CNTNAP5: variants seen among roughly 807,000 people sequenced by gnomAD.
CNTNAP5 encodes contactin-associated protein-like 5.
CNTNAP5 carries 72 observed loss-of-function variants against 150.2 expected under a neutral mutation model. The observed-to-expected ratio is 0.48, with a 90% confidence interval of 0.40 to 0.58. The LOEUF (loss-of-function observed/expected upper bound fraction) is 0.58, where lower values mean the gene tolerates loss of function less well. CNTNAP5 is among the 20% of genes least tolerant of loss of function. The probability of loss-of-function intolerance (pLI) is 0.00; values close to 1 mark genes in which losing one functional copy is unlikely to be tolerated. For missense variants in CNTNAP5, 1,636 were observed against 1,626.2 expected (o/e 1.01, Z -0.10); for synonymous variants, 672 against 619.8 (o/e 1.08, Z -1.25).
chr2:124,895,938 C>T lies in CNTNAP5; in HGVS notation c.3437-6944C>T, dbSNP rs560587688. Among the ~76,000 whole-genome samples, 3 of 151,620 alleles carry T rather than the reference C, an allele frequency of 2.0e-5. No individual in the cohort carries two copies. In the South Asian group the frequency reaches 6.2e-4, roughly 31 times the overall value. On this transcript the variant is annotated intron_variant, in intron 21 of 23. Transcript: ENST00000682447. ...ATGCTTGGGGGAAGGCCAATGGGCA[C>T]TGTGAAGAGTCGGTGCATGGGCCAT...
chr2:124,048,582 G>A (rs998253603), intron 1 of CNTNAP5, among the ~76,000 whole-genome samples: 12 of 152,180 alleles, frequency 7.9e-5, no homozygotes, highest in African/African-American at 2.9e-4. Context: ...TTGCCAAATT[G>A]TTTTTGTGCC....
At chr2:124,405,051 G>A (rs956314657) in intron 3 of CNTNAP5, among the ~76,000 whole-genome samples, 2 of 151,938 alleles carry the variant, frequency 1.3e-5, no homozygotes, top group African/African-American at 4.8e-5. Flanking sequence ...GCGGGTGGGG[G>A]CGGCTGGGGA....
At chr2:124,178,004 G>A (rs1332195253) in intron 1 of CNTNAP5, among the ~76,000 whole-genome samples, 2 of 151,916 alleles carry the variant, frequency 1.3e-5, no homozygotes, top group African/African-American at 2.4e-5. Flanking sequence ...CCACAACCAC[G>A]CCTAGCTAAT....
intron 3 of CNTNAP5, among the ~76,000 whole-genome samples, chr2:124,370,262 T>C (rs541467077): frequency 6.6e-6 from 1 of 152,046 alleles, no homozygotes; most frequent in African/African-American, 2.4e-5. Flanking sequence ...GCAGTAAAGG[T>C]TGTGCTTTTT....
intron 3 of CNTNAP5, among the ~76,000 whole-genome samples, chr2:124,416,372 C>G (rs1159114279): frequency 1.8e-5 from 2 of 108,352 alleles, no homozygotes; most frequent in African/African-American, 7.8e-5. Context: ...TTTTTTTTTT[C>G]TGATGAGTAG....
rs554602395 is a variant in CNTNAP5 at position 124,454,913 on chromosome 2, C to A, written c.918+7976C>A. Among the ~76,000 whole-genome samples the A allele has an allele frequency of 2.0e-5, 3 of 152,110 alleles. No homozygotes were observed. In the East Asian group the frequency reaches 5.8e-4, roughly 30 times the overall value. Reference sequence around the variant, plus strand: ...CGAAAGCAGGGCTAAGAGGAAAGTTCATAGCCCTAAACAACTACATCAAAA... The same window carrying A: ...CGAAAGCAGGGCTAAGAGGAAAGTTAATAGCCCTAAACAACTACATCAAAA... On this transcript the variant is annotated intron_variant, in intron 6 of 23. Coordinates refer to ENST00000682447, the MANE Select transcript of CNTNAP5 (RefSeq NM_001367498.1).
intron 10 of CNTNAP5, among the ~76,000 whole-genome samples, chr2:124,543,950 A>C (rs1162170738): frequency 8.0e-6 from 1 of 124,986 alleles, no homozygotes; most frequent in Admixed American, 8.9e-5. Flanking sequence ...GATGCTAGCT[A>C]GTTTTTTTTT....
chr2:124,646,203 G>A (rs1678198772), intron 12 of CNTNAP5, among the ~76,000 whole-genome samples: 1 of 152,342 alleles, frequency 6.6e-6, no homozygotes, highest in African/African-American at 2.4e-5. Context: ...GGTTTGGAAA[G>A]ATGAAACGAC....
chr2:124,675,283 T>TC (rs1218566641), intron 13 of CNTNAP5, among the ~76,000 whole-genome samples: 73 of 152,140 alleles, frequency 4.8e-4, no homozygotes, highest in Non-Finnish European at 1.9e-4. Flanking sequence ...TAGCTCTCTT[T>TC]TATAGTTATG....
chr2:124,818,293 A>T (rs1008812677), intron 19 of CNTNAP5, among the ~76,000 whole-genome samples: 3 of 152,148 alleles, frequency 2.0e-5, no homozygotes, highest in Non-Finnish European at 2.9e-5. Context: ...GGCTCCCAGA[A>T]TTGCTTGCTT....
intron 1 of CNTNAP5, among the ~76,000 whole-genome samples, chr2:124,198,787 A>G (rs560833316): frequency 6.6e-6 from 1 of 151,572 alleles, no homozygotes; most frequent in East Asian, 1.9e-4. Flanking sequence ...CCCTTTTACA[A>G]TTAAACCTTT....
chr2:124,239,072 TC>T (rs1391844035), intron 2 of CNTNAP5, among the ~76,000 whole-genome samples: 2 of 152,216 alleles, frequency 1.3e-5, no homozygotes, highest in East Asian at 3.8e-4. Flanking sequence ...CAACAGCTAT[TC>T]CATTTTGGTT....
intron 19 of CNTNAP5, among the ~76,000 whole-genome samples, chr2:124,863,212 A>G (rs1214270792): frequency 1.3e-5 from 2 of 152,224 alleles, no homozygotes; most frequent in Non-Finnish European, 2.9e-5. Context: ...TAATTATCAC[A>G]CACTGGTTTA....
At chr2:124,340,271 C>T (rs961946734) in intron 3 of CNTNAP5, among the ~76,000 whole-genome samples, 1 of 152,190 alleles carries the variant, frequency 6.6e-6, no homozygotes, top group Non-Finnish European at 1.5e-5. Context: ...AAGATGGAGT[C>T]AACTCTATCA....
intron 13 of CNTNAP5, among the ~76,000 whole-genome samples, chr2:124,696,441 C>T (rs1679408701): frequency 6.6e-6 from 1 of 152,072 alleles, no homozygotes; most frequent in African/African-American, 2.4e-5. Flanking sequence ...CTTTTCTTAC[C>T]TTCTGCCTCT....
At chr2:124,336,371 G>T (rs1175293516) in intron 3 of CNTNAP5, among the ~76,000 whole-genome samples, 1 of 151,740 alleles carries the variant, frequency 6.6e-6, no homozygotes, top group African/African-American at 2.4e-5. Flanking sequence ...TAAAGCAGAG[G>T]TTTTCTTTTT....
At chr2:124,227,550 A>G (rs1686490843) in intron 2 of CNTNAP5, among the ~76,000 whole-genome samples, 1 of 152,102 alleles carries the variant, frequency 6.6e-6, no homozygotes, top group South Asian at 2.1e-4. Context: ...TACTTGTCAA[A>G]GTATAATTTT....
rs139081073 is a variant in CNTNAP5 at position 124,069,386 on chromosome 2, C to T, written c.82+43654C>T. Reference sequence around the variant, plus strand: ...TGAATACGTGGCTCCAAGTCAGCATCTCTGGCCCTGCTTAGGGTCTGGGGG... The same window carrying T: ...TGAATACGTGGCTCCAAGTCAGCATTTCTGGCCCTGCTTAGGGTCTGGGGG... On this transcript the variant is annotated intron_variant, in intron 1 of 23. Coordinates refer to ENST00000682447, the MANE Select transcript of CNTNAP5 (RefSeq NM_001367498.1). 9.8e-5 allele frequency among the ~76,000 whole-genome samples: 15 copies of T among 152,302 alleles called. No individual in the cohort carries two copies. In the East Asian group the frequency reaches 2.7e-3, roughly 27 times the overall value.
chr2:124,683,695 G>A (rs1573545743), intron 13 of CNTNAP5, among the ~76,000 whole-genome samples: 1 of 152,058 alleles, frequency 6.6e-6, no homozygotes, highest in African/African-American at 2.4e-5. Flanking sequence ...AGAAACAAGG[G>A]AATATTTGTG....
Sources: allele counts gnomAD v4.1 joint callset (sites outside exome capture counted in the v4.1 genomes callset), GRCh38; gene constraint gnomAD v4.1.1; transcripts MANE v1.5; gene names NCBI Gene and HGNC (gene_info 2026-07-23, HGNC 2026-07-21).